Variants in BRF2 observed in about 807,000 individuals in gnomAD.
BRF2 encodes BRF2 general transcription factor IIIB subunit, also known as transcription factor IIIB 50 kDa subunit.
In BRF2, 17 loss-of-function variants were observed where a neutral mutation model predicts 26.6. The observed-to-expected ratio is 0.64, with a 90% confidence interval of 0.44 to 0.96. The LOEUF (loss-of-function observed/expected upper bound fraction) is 0.96, where lower values mean the gene tolerates loss of function less well. BRF2 is among the 40% of genes least tolerant of loss of function. The pLI, the probability that BRF2 is intolerant of heterozygous loss-of-function variation, is 0.00. For synonymous variants in BRF2, 219 were observed against 226.6 expected (o/e 0.97, Z 0.30); for missense variants, 515 against 537.0 (o/e 0.96, Z 0.40).
Position 37,845,213 on chromosome 8 carries a change from G to A in BRF2, c.537C>T (p.Ser179=). ...AAGGTGAAGCTTGGAACAGTTTGAA[G>A]CTGAAATAACCAAAATGAGGGTTGG... is the stretch of plus-strand genomic sequence containing the variant. ...LAELVKTYCS[S]FKLFQASPSV... The change falls in exon 4 of 4, where the codon AGC becomes AGT. Residue 179 remains serine (S), a splice_region_variant and synonymous_variant. Coordinates refer to ENST00000220659, the MANE Select transcript of BRF2 (RefSeq NM_018310.4). 2 of 1,606,568 alleles carry A rather than the reference G, an allele frequency of 1.2e-6. No homozygotes were observed. Among genetic ancestry groups the A allele is most frequent in the Non-Finnish European group, 1.7e-6 (2 of 1,174,356 alleles).
Position 37,848,668 on chromosome 8 carries a change from AAAC to A in BRF2, c.155-16_155-14del, listed in dbSNP as rs1806009878. The A allele has an allele frequency of 1.9e-6, 3 of 1,610,352 alleles. No homozygotes were observed. The highest frequency in any genetic ancestry group is 2.7e-5 in the African/African-American group (2 of 74,862). On this transcript the variant is annotated splice_polypyrimidine_tract_variant and intron_variant, in intron 1 of 3. Transcript: ENST00000220659. ...GAATATGTTACCTCTGTAAGATAAT[AAAC>A]AACAAATAGTGTGCTTAGCCTTTAT... is the stretch of plus-strand genomic sequence containing the variant.
chr8:37,848,746 A>G (rs1187732335), intron 1 of BRF2, 91 bp from the exon 2 acceptor site: 2 of 1,028,656 alleles, frequency 1.9e-6, no homozygotes, highest in African/African-American at 1.6e-5. Flanking sequence ...GCAAAATTCA[A>G]ATCATTGAGC....
Position 37,844,151 on chromosome 8 carries a change from C to T in BRF2, c.*339G>A, listed in dbSNP as rs1805901232. 1 of 271,474 alleles carries T rather than the reference C, an allele frequency of 3.7e-6. No individual in the cohort carries two copies. The highest frequency in any genetic ancestry group is 2.1e-5 in the African/African-American group (1 of 46,690). 16.8% of individuals were successfully genotyped at this position (271,474 alleles called of 1,614,324 possible). On this transcript the variant is annotated 3_prime_UTR_variant, in exon 4 of 4. Coordinates refer to ENST00000220659, the MANE Select transcript of BRF2 (RefSeq NM_018310.4). ...CTCCACAAGCAGAGGGAAGCCCCCT[C>T]AGGCCTGCAGGAGGAGCCGCAGCAG... is the stretch of plus-strand genomic sequence containing the variant.
chr8:37,845,042 C>T lies in BRF2; in HGVS notation c.708G>A (p.Ser236=), dbSNP rs368315722. ...ATGAAAGCCGATCTGCAGGCTGCAG[C>T]GACTGCCAAGCCAGGAAAGTCGCAG... is the stretch of plus-strand genomic sequence containing the variant. ...ITAATFLAWQ[S]LQPADRLSCS... is the part of the protein sequence containing the mutation. The change falls in exon 4 of 4, where the codon TCG becomes TCA. Residue 236 remains serine (S), a synonymous_variant. Coordinates refer to ENST00000220659, the MANE Select transcript of BRF2 (RefSeq NM_018310.4). 7.4e-6 allele frequency: 12 copies of T among 1,613,720 alleles called. No individual in the cohort carries two copies. The Admixed American group carries it at 1.0e-4, about 13-fold the overall frequency.
chr8:37,847,262 T>C, intron 2 of BRF2, 87 bp from the exon 3 acceptor site: 1 of 1,176,256 alleles, frequency 8.5e-7, no homozygotes, highest in Non-Finnish European at 1.3e-6. Context: ...TACTTAGATC[T>C]GCTAAACTTG....
chr8:37,846,410 TTAAAC>T (rs1257305262), intron 3 of BRF2, among the ~76,000 whole-genome samples: 7 of 152,154 alleles, frequency 4.6e-5, no homozygotes, highest in Middle Eastern at 3.4e-3. Flanking sequence ...GAGTACAAGT[TTAAAC>T]TAAAGATCTT....
intron 3 of BRF2, chr8:37,845,643 C>G: frequency 1.4e-6 from 1 of 691,688 alleles, no homozygotes; most frequent in South Asian, 1.5e-5. Context: ...ATAGCTACTT[C>G]AAATGAGAAA....
intron 1 of BRF2, 143 bp from the exon 2 acceptor site, chr8:37,848,798 G>A (rs1457505129): frequency 1.4e-6 from 1 of 704,334 alleles, no homozygotes; most frequent in Non-Finnish European, 2.6e-6. Flanking sequence ...GGTTTTCTAT[G>A]TCTACAAGAG....
Position 37,844,159 on chromosome 8 carries a change from C to G in BRF2, c.*331G>C, listed in dbSNP as rs1169607516. Reference sequence around the variant, plus strand: ...GCAGAGGGAAGCCCCCTCAGGCCTGCAGGAGGAGCCGCAGCAGTGTGTCCA... The same window carrying G: ...GCAGAGGGAAGCCCCCTCAGGCCTGGAGGAGGAGCCGCAGCAGTGTGTCCA... On this transcript the variant is annotated 3_prime_UTR_variant, in exon 4 of 4. Coordinates refer to ENST00000220659, the MANE Select transcript of BRF2 (RefSeq NM_018310.4). 1 of 284,870 alleles carries G rather than the reference C, an allele frequency of 3.5e-6. No homozygotes were observed. The highest frequency in any genetic ancestry group is 6.7e-6 in the Non-Finnish European group (1 of 148,778). 17.6% of individuals were successfully genotyped at this position (284,870 alleles called of 1,614,324 possible).
Position 37,844,973 on chromosome 8 carries a change from G to A in BRF2, c.777C>T (p.Pro259=), listed in dbSNP as rs202090995. The change falls in exon 4 of 4, where the codon CCC becomes CCT. Residue 259 remains proline, a synonymous_variant. Transcript: ENST00000220659. ...RFCKLANVDL[P]YPASSRLQEL... is the part of the protein sequence containing the mutation. ...CCTGCAGGCGGGAGGACGCCGGGTA[G>A]GGCAGGTCCACATTTGCCAATTTAC... is the stretch of plus-strand genomic sequence containing the variant. The A allele has an allele frequency of 2.4e-4, 380 of 1,614,044 alleles. 3 individuals carry two copies. The highest frequency in any genetic ancestry group is 2.5e-5 in the Non-Finnish European group (29 of 1,180,020).
In BRF2 at chr8:37,849,780, G is replaced by A. The variant is rs369379874; in HGVS notation, c.4C>T (p.Pro2Ser). The stretch of plus-strand genomic sequence containing the variant: ...CAGTCCGGGCAGCGGCCTCTGCCTG[G>A]CATCTCACAACCGGCCCCAAAGCCG... M[P>S]GRGRCPDCGS... The change falls in exon 1 of 4, where the codon CCA becomes TCA. Residue 2 changes from proline (P) to serine (S), a missense_variant. Coordinates refer to ENST00000220659, the MANE Select transcript of BRF2 (RefSeq NM_018310.4). 59 of 1,607,656 alleles carry A rather than the reference G, an allele frequency of 3.7e-5. No individual in the cohort carries two copies. The highest frequency in any genetic ancestry group is 4.9e-5 in the Non-Finnish European group (58 of 1,178,392).
At chr8:37,845,662 G>C (rs1805943155) in intron 3 of BRF2, 1 of 695,758 alleles carries the variant, frequency 1.4e-6, no homozygotes, top group Non-Finnish European at 2.6e-6. Context: ...AAAGAGCCAG[G>C]CGCAGTGCTC....
rs1367539082 is a variant in BRF2 at position 37,844,628 on chromosome 8, AG to A, written c.1121del (p.Pro374LeufsTer16). ...KSPKRICPVPPVSTVTGDENI... is the reference protein window; with the variant it reads ...KSPKRICPVPXVSTVTGDENI... The stretch of plus-strand genomic sequence containing the variant: ...TCTCATCTCCAGTGACAGTGGAGAC[AG>A]GGGGTACAGGGCAGATCCGCTTCGG... On this transcript the variant is annotated frameshift_variant, in exon 4 of 4. Coordinates refer to ENST00000220659, the MANE Select transcript of BRF2 (RefSeq NM_018310.4). LOFTEE classifies it high-confidence loss of function. 3 of 1,613,942 alleles carry A rather than the reference AG, an allele frequency of 1.9e-6. No individual in the cohort carries two copies. The highest frequency in any genetic ancestry group is 2.2e-5 in the South Asian group (2 of 91,044).
chr8:37,844,927 G>A lies in BRF2; in HGVS notation c.823C>T (p.Arg275Trp), dbSNP rs144553072. 1.6e-3 allele frequency: 2,599 copies of A among 1,614,156 alleles called. 3 individuals carry two copies. Among genetic ancestry groups the A allele is most frequent in the Middle Eastern group, 4.6e-3 (28 of 6,062 alleles). ...AACCAGGCCAGCTGCTCAGCCATCC[G>A]CAGCAGCACAGCCAGCAGCTCCTGC... ...RLQELLAVLL[R>W]MAEQLAWLRV... is the part of the protein sequence containing the mutation. Residue 275 changes from arginine to tryptophan, a missense_variant, in exon 4 of 4, where the codon CGG (arginine) becomes TGG (tryptophan). Coordinates refer to ENST00000220659, the MANE Select transcript of BRF2 (RefSeq NM_018310.4).
At chr8:37,848,477 C>T (rs546288596) in intron 2 of BRF2, 119 bp downstream of exon 2, 6 of 851,710 alleles carry the variant, frequency 7.0e-6, no homozygotes, top group African/African-American at 3.3e-5. Flanking sequence ...GAACTCCTGA[C>T]CTCAGGTGAT....
Position 37,844,527 on chromosome 8 carries a change from G to A in BRF2, c.1223C>T (p.Ala408Val). 6.2e-7 allele frequency: 1 copy of A among 1,613,658 alleles called. No individual in the cohort carries two copies. The highest frequency in any genetic ancestry group is 1.3e-5 in the African/African-American group (1 of 75,012). ...AGGGACACTCGTGGCAGCCTGTCTA[G>A]CAGCCTGGGCTCTCTGAAAGTCCCT... ...EVRDFQRAQA[A>V]RQAATSVPNP... Residue 408 changes from alanine to valine, a missense_variant, in exon 4 of 4, where the codon GCT (alanine) becomes GTT (valine). Physicochemically the swap from Ala to Val is moderately conservative, Grantham distance 64. Coordinates refer to ENST00000220659, the MANE Select transcript of BRF2 (RefSeq NM_018310.4).
rs1398034591 is a variant in BRF2, at chr8:37,844,464, G to A, written c.*26C>T. ...GAATGTTATCAAGCTGTCAGAACAG[G>A]ATGAAGTGCTCCCAGTGGATATCCA... is the stretch of plus-strand genomic sequence containing the variant. On this transcript the variant is annotated 3_prime_UTR_variant, in exon 4 of 4. Transcript: ENST00000220659. 5 of 1,606,322 alleles carry A rather than the reference G, an allele frequency of 3.1e-6. No homozygotes were observed. The East Asian group carries it at 6.7e-5, about 22-fold the overall frequency.
Position 37,843,766 on chromosome 8 carries a change from C to G in BRF2, c.*724G>C, listed in dbSNP as rs112689448. ...AGAAAAAAAAAAGCTTTGTATTATTCTTCCACATATGCTGGCTGCTGTTTA... is the reference window on the plus strand; with the variant it reads ...AGAAAAAAAAAAGCTTTGTATTATTGTTCCACATATGCTGGCTGCTGTTTA... On this transcript the variant is annotated 3_prime_UTR_variant, in exon 4 of 4. Transcript: ENST00000220659. 2 of 152,504 alleles carry G rather than the reference C, an allele frequency of 1.3e-5. No homozygotes were observed. Among genetic ancestry groups the G allele is most frequent in the Non-Finnish European group, 2.9e-5 (2 of 68,024 alleles). The allele number at this position is 152,504 out of a possible 1,614,324, so 9.4% of individuals were successfully genotyped here.
rs140990437 is a variant in BRF2, at chr8:37,844,766, C to T, written c.984G>A (p.Gly328=). Reference sequence around the variant, plus strand: ...CCCCTTCTCCTTGCCCCTGTCCCCACCCCGGTGGCTCCTTCTCTCGGGTCT... The same window carrying T: ...CCCCTTCTCCTTGCCCCTGTCCCCATCCCGGTGGCTCCTTCTCTCGGGTCT... The part of the protein sequence containing the change: ...EVETREKEPP[G]WGQGQGEGEV... Residue 328 remains glycine (G), a synonymous_variant, in exon 4 of 4, where the codon GGG becomes GGA. Transcript: ENST00000220659. 1.4e-4 allele frequency: 230 copies of T among 1,613,942 alleles called. 1 individual carries two copies. The highest frequency in any genetic ancestry group is 1.5e-4 in the Non-Finnish European group (176 of 1,180,008).
Sources: gnomAD v4.1 joint callset for allele counts (sites outside exome capture counted in the v4.1 genomes callset) on GRCh38, gnomAD v4.1.1 for gene constraint, MANE v1.5 for transcripts, NCBI Gene and HGNC (gene_info 2026-07-23, HGNC 2026-07-21) for gene names.